CADPS2: variants seen among roughly 807,000 people sequenced by gnomAD.
CADPS2 encodes the protein calcium dependent secretion activator 2.
Under a neutral mutation model 172.5 loss-of-function variants are expected in CADPS2, and 93 were observed. The ratio of observed to expected loss-of-function variants is 0.54; its 90% CI spans 0.46 to 0.64. CADPS2 has a LOEUF of 0.64. Among genes scored for constraint, CADPS2 ranks in the 30% least tolerant of loss-of-function variants. CADPS2 has a pLI of 0.00. For missense variants in CADPS2, 1,420 were observed against 1,565.9 expected, an observed-to-expected ratio of 0.91 and a Z score of 1.57; for synonymous variants, 546 against 555.2, an observed-to-expected ratio of 0.98 and a Z score of 0.23.
At chr7:122,857,723 CTG>C (rs1321469590) in intron 1 of CADPS2, among the ~76,000 whole-genome samples, 12 of 152,306 alleles carry the variant, frequency 7.9e-5, no homozygotes, top group African/African-American at 2.2e-4. Flanking sequence ...CAGCCTTTAA[CTG>C]TGTGTGTTAA....
intron 3 of CADPS2, among the ~76,000 whole-genome samples, chr7:122,662,295 T>C (rs972089123): frequency 9.2e-5 from 14 of 151,582 alleles, no homozygotes; most frequent in African/African-American, 3.1e-4. Context: ...AATGCAAATA[T>C]AGAAGGACTA....
intron 17 of CADPS2, among the ~76,000 whole-genome samples, chr7:122,427,834 A>G (rs181724422): frequency 6.6e-6 from 1 of 152,288 alleles, no homozygotes; most frequent in East Asian, 1.9e-4. Context: ...TGGATACTGC[A>G]ATGAATTTAT....
At chr7:122,671,997 G>A (rs1220728393) in intron 2 of CADPS2, among the ~76,000 whole-genome samples, 1 of 152,180 alleles carries the variant, frequency 6.6e-6, no homozygotes, top group African/African-American at 2.4e-5. Context: ...GGGGAGGAAA[G>A]GATATCACAG....
At position 122,702,920 on chromosome 7, in the gene CADPS2, A is replaced by C. The variant is rs971824904; in HGVS notation, c.453+34035T>G. On this transcript the variant is annotated intron_variant, in intron 2 of 29. Coordinates refer to ENST00000449022, the MANE Select transcript of CADPS2 (RefSeq NM_017954.11). Reference sequence around the variant, plus strand: ...CTTCCAGTATTTTAATATTTAGTAGATTATCTTTCTCATAATGAAACAAAA... The same window carrying C: ...CTTCCAGTATTTTAATATTTAGTAGCTTATCTTTCTCATAATGAAACAAAA... The C allele has an allele frequency of 5.4e-6, 3 of 553,576 alleles. No individual in the cohort carries two copies. The Admixed American group carries it at 1.0e-4, about 19-fold the overall frequency. 34.3% of individuals were successfully genotyped at this position (553,576 alleles called of 1,614,324 possible). A position where few individuals can be genotyped will look rare whatever the true frequency, so the allele number is the denominator to read the frequency against.
intron 1 of CADPS2, among the ~76,000 whole-genome samples, chr7:122,756,992 C>T (rs2093190457): frequency 6.6e-6 from 1 of 152,082 alleles, no homozygotes; most frequent in Non-Finnish European, 1.5e-5. Flanking sequence ...GGAACCACCA[C>T]ACTGCACAAC....
chr7:122,834,727 G>A (rs745900231), intron 1 of CADPS2, among the ~76,000 whole-genome samples: 15 of 152,194 alleles, frequency 9.9e-5, no homozygotes, highest in African/African-American at 1.9e-4. Context: ...AGGCGGCAGC[G>A]AGGCTGGGGG....
chr7:122,411,121 A>C (rs1373217830), intron 19 of CADPS2, among the ~76,000 whole-genome samples: 1 of 151,910 alleles, frequency 6.6e-6, no homozygotes, highest in African/African-American at 2.4e-5. Context: ...CCATCCATCC[A>C]TCTACCATCA....
chr7:122,414,027 G>A (rs768487817), intron 19 of CADPS2, 41 bp downstream of exon 19: 2 of 1,518,092 alleles, frequency 1.3e-6, no homozygotes, highest in East Asian at 2.4e-5. Flanking sequence ...CATAAAAGAG[G>A]TATCCTATGC....
chr7:122,681,730 A>T lies in CADPS2; in HGVS notation c.454-18161T>A, dbSNP rs565313813. On this transcript the variant is annotated intron_variant, in intron 2 of 29. Transcript: ENST00000449022. ...GAAAAATAAAATGGAAATTGTAAAA[A>T]AATAATAATAATAATAAAAGAAAGA... 3.1e-3 allele frequency: 1,826 copies of T among 581,982 alleles called. 19 individuals are homozygous for T. The Middle Eastern group carries it at 0.036, about 12-fold the overall frequency. 36.1% of individuals were successfully genotyped at this position (581,982 alleles called of 1,614,324 possible). A position where few individuals can be genotyped will look rare whatever the true frequency, so the allele number is the denominator to read the frequency against.
chr7:122,320,547 T>A (rs139628299), intron 29 of CADPS2, among the ~76,000 whole-genome samples: 125 of 152,324 alleles, frequency 8.2e-4, no homozygotes, highest in Middle Eastern at 3.4e-3. Flanking sequence ...TTACTATGAC[T>A]ACATCAAAAT....
chr7:122,541,832 C>CATAT (rs5887098), intron 8 of CADPS2, among the ~76,000 whole-genome samples: 1 of 91,528 alleles, frequency 1.1e-5, no homozygotes, highest in African/African-American at 4.0e-5. Context: ...TTTATATATT[C>CATAT]ATATGTTTAT....
chr7:122,403,152 G>C (rs973397891), intron 20 of CADPS2, among the ~76,000 whole-genome samples: 1 of 152,170 alleles, frequency 6.6e-6, no homozygotes, highest in African/African-American at 2.4e-5. Context: ...ATGGTCTTCA[G>C]TATCACCAAG....
At chr7:122,623,712 G>A (rs942450982) in intron 4 of CADPS2, among the ~76,000 whole-genome samples, 2 of 152,006 alleles carry the variant, frequency 1.3e-5, no homozygotes, top group Admixed American at 6.6e-5. Context: ...CACCTAACTT[G>A]TTTGCTTATT....
At chr7:122,563,802 G>T (rs992252712) in intron 7 of CADPS2, among the ~76,000 whole-genome samples, 1 of 151,994 alleles carries the variant, frequency 6.6e-6, no homozygotes, top group African/African-American at 2.4e-5. Context: ...AAATGTTTTG[G>T]GATTGGCTAG....
intron 27 of CADPS2, among the ~76,000 whole-genome samples, chr7:122,360,502 G>A (rs1407481155): frequency 6.6e-6 from 1 of 152,120 alleles, no homozygotes; most frequent in Non-Finnish European, 1.5e-5. Context: ...AATAGTGTGA[G>A]GCATTTTTCT....
At chr7:122,771,891 ATTTAAC>A (rs1239215529) in intron 1 of CADPS2, among the ~76,000 whole-genome samples, 1 of 152,222 alleles carries the variant, frequency 6.6e-6, no homozygotes, top group African/African-American at 2.4e-5. Flanking sequence ...TGACACCATC[ATTTAAC>A]TTTAACAATT....
At chr7:122,755,726 G>C (rs1213116869) in intron 1 of CADPS2, among the ~76,000 whole-genome samples, 1 of 149,942 alleles carries the variant, frequency 6.7e-6, no homozygotes, top group South Asian at 2.1e-4. Context: ...AATTTAGAGA[G>C]GCTAAAAAAA....
In CADPS2 at chr7:122,471,521, G is replaced by A; in HGVS notation, c.2040C>T (p.Tyr680=). The A allele has an allele frequency of 6.2e-7, 1 of 1,609,744 alleles. No homozygotes were observed. Among genetic ancestry groups the A allele is most frequent in the Non-Finnish European group, 8.5e-7 (1 of 1,177,908 alleles). The change falls in exon 14 of 30, where the codon TAC becomes TAT. Residue 680 remains tyrosine, a synonymous_variant. Transcript: ENST00000449022. ...SPGQVFVLDE[Y]CARYGVRGCH... is the part of the protein sequence containing the mutation. The stretch of plus-strand genomic sequence containing the variant: ...AGCCTCTCACACCATAACGGGCACA[G>A]TACTCATCTAACACAAAGACTTGGC...
chr7:122,616,258 A>G (rs1241017793), intron 5 of CADPS2, among the ~76,000 whole-genome samples: 1 of 152,074 alleles, frequency 6.6e-6, no homozygotes, highest in African/African-American at 2.4e-5. Flanking sequence ...TGCACAAACA[A>G]TAATAAAACT....
Sources: gnomAD v4.1 joint callset for allele counts (sites outside exome capture counted in the v4.1 genomes callset) on GRCh38, gnomAD v4.1.1 for gene constraint, MANE v1.5 for transcripts, NCBI Gene and HGNC (gene_info 2026-07-23, HGNC 2026-07-21) for gene names.